Variants in FRMD4A observed in about 807,000 individuals in gnomAD.
FRMD4A encodes FERM domain-containing protein 4A.
A neutral mutation model predicts 129.1 loss-of-function variants in FRMD4A; 29 were observed. The ratio of observed to expected loss-of-function variants is 0.22; its 90% CI spans 0.17 to 0.31. The LOEUF is 0.31. Among genes scored for constraint, FRMD4A ranks in the 10% least tolerant of loss-of-function variants. The pLI, the probability that FRMD4A is intolerant of heterozygous loss-of-function variation, is 1.00. For missense variants in FRMD4A, 1,272 were observed against 1,375.8 expected (o/e 0.92, Z 1.19); for synonymous variants, 634 against 571.6 (o/e 1.11, Z -1.56).
chr10:13,691,358 A>C (rs2085670301), intron 15 of FRMD4A, among the ~76,000 whole-genome samples: 1 of 152,172 alleles, frequency 6.6e-6, no homozygotes, highest in South Asian at 2.1e-4. Flanking sequence ...TCACAGCCTC[A>C]TCTATAGCTG....
intron 6 of FRMD4A, among the ~76,000 whole-genome samples, chr10:13,771,329 T>C (rs1013348894): frequency 1.2e-4 from 18 of 152,184 alleles, no homozygotes; most frequent in African/African-American, 4.3e-4. Context: ...TGCCTTGGCC[T>C]CCCAAAGTGC....
chr10:14,099,548 A>G (rs1308396363), intron 2 of FRMD4A, among the ~76,000 whole-genome samples: 3 of 152,230 alleles, frequency 2.0e-5, no homozygotes. Flanking sequence ...CCTATACGAA[A>G]GTTGGCCCTG....
At chr10:14,275,373 C>T (rs1327693683) in intron 2 of FRMD4A, among the ~76,000 whole-genome samples, 1 of 152,196 alleles carries the variant, frequency 6.6e-6, no homozygotes, top group African/African-American at 2.4e-5. Context: ...TGGAGATGGG[C>T]AAAACACATC....
At chr10:14,166,664 C>A (rs1052988122) in intron 2 of FRMD4A, among the ~76,000 whole-genome samples, 5 of 152,176 alleles carry the variant, frequency 3.3e-5, no homozygotes, top group Non-Finnish European at 7.4e-5. Context: ...AACAGTCAGT[C>A]AATGCTGGTT....
At chr10:14,259,353 C>A (rs1171742876) in intron 2 of FRMD4A, among the ~76,000 whole-genome samples, 5 of 152,062 alleles carry the variant, frequency 3.3e-5, no homozygotes, top group Non-Finnish European at 5.9e-5. Context: ...GAAGAATATA[C>A]AAATCTTTAA....
chr10:14,048,644 A>G (rs1588866722), intron 2 of FRMD4A, among the ~76,000 whole-genome samples: 1 of 152,102 alleles, frequency 6.6e-6, no homozygotes, highest in East Asian at 1.9e-4. Flanking sequence ...TGTCTCTACT[A>G]AAAATACAAA....
chr10:13,961,537 C>A (rs539277469), intron 2 of FRMD4A, among the ~76,000 whole-genome samples: 1 of 152,296 alleles, frequency 6.6e-6, no homozygotes, highest in South Asian at 2.1e-4. Context: ...TCTTGTCCTC[C>A]CATCTGCCAT....
At chr10:14,270,762 T>C (rs1389825900) in intron 2 of FRMD4A, among the ~76,000 whole-genome samples, 2 of 152,178 alleles carry the variant, frequency 1.3e-5, no homozygotes, top group African/African-American at 2.4e-5. Flanking sequence ...CTAATTGATA[T>C]ACATAAGAGT....
intron 2 of FRMD4A, among the ~76,000 whole-genome samples, chr10:13,974,239 G>T (rs1339059707): frequency 6.6e-6 from 1 of 152,096 alleles, no homozygotes; most frequent in Non-Finnish European, 1.5e-5. Context: ...GAGTATAAAG[G>T]TGCTATAATA....
chr10:14,288,251 C>T (rs1845743398), intron 2 of FRMD4A, among the ~76,000 whole-genome samples: 1 of 152,056 alleles, frequency 6.6e-6, no homozygotes, highest in Non-Finnish European at 1.5e-5. Context: ...AGTAGGATGC[C>T]CCGTTGCTCC....
intron 2 of FRMD4A, among the ~76,000 whole-genome samples, chr10:14,313,256 G>A (rs909562449): frequency 9.9e-5 from 15 of 151,092 alleles, no homozygotes; most frequent in Non-Finnish European, 1.8e-4. Flanking sequence ...CCAGCTACTC[G>A]GGAGGCTGAG....
At chr10:13,900,141 G>T (rs559730898) in intron 2 of FRMD4A, among the ~76,000 whole-genome samples, 2 of 152,230 alleles carry the variant, frequency 1.3e-5, no homozygotes, top group Admixed American at 1.3e-4. Context: ...GGCCAATTCT[G>T]AGCCACTTCA....
chr10:13,988,518 A>C (rs2095590590), intron 2 of FRMD4A, among the ~76,000 whole-genome samples: 1 of 152,130 alleles, frequency 6.6e-6, no homozygotes, highest in Non-Finnish European at 1.5e-5. Context: ...ATTTTGTCTA[A>C]GTGTTTGCAT....
intron 6 of FRMD4A, among the ~76,000 whole-genome samples, chr10:13,774,024 T>C (rs2092534326): frequency 1.3e-5 from 2 of 152,158 alleles, no homozygotes; most frequent in Non-Finnish European, 2.9e-5. Flanking sequence ...CATTTCTAAA[T>C]GAGATGTATC....
At chr10:13,750,549 T>C (rs2091566139) in intron 8 of FRMD4A, among the ~76,000 whole-genome samples, 1 of 152,198 alleles carries the variant, frequency 6.6e-6, no homozygotes, top group African/African-American at 2.4e-5. Flanking sequence ...GATGTAAGAC[T>C]GGCTTTGGGG....
chr10:13,845,979 C>T (rs2094039391), intron 3 of FRMD4A, among the ~76,000 whole-genome samples: 1 of 152,180 alleles, frequency 6.6e-6, no homozygotes, highest in African/African-American at 2.4e-5. Flanking sequence ...CTCCCATTTG[C>T]TGTACAACTC....
chr10:14,157,839 GAAGACCCTAAGTCTT>G (rs1340122299), intron 2 of FRMD4A, among the ~76,000 whole-genome samples: 2 of 152,082 alleles, frequency 1.3e-5, no homozygotes, highest in Non-Finnish European at 2.9e-5. Context: ...TCTAGGAAGA[GAAGACCCTAAGTCTT>G]AAGACCCTAA....
chr10:13,771,736 GT>G (rs2092459103), intron 6 of FRMD4A, among the ~76,000 whole-genome samples: 1 of 152,048 alleles, frequency 6.6e-6, no homozygotes, highest in South Asian at 2.1e-4. Context: ...GCTGGGGAAG[GT>G]TAGTGCTTTT....
intron 3 of FRMD4A, among the ~76,000 whole-genome samples, chr10:13,845,890 C>T (rs758858434): frequency 2.0e-5 from 3 of 152,216 alleles, no homozygotes; most frequent in Non-Finnish European, 4.4e-5. Context: ...GCCAACCCAA[C>T]CGGCCCCAGA....
Sources: gnomAD v4.1 joint callset for allele counts (sites outside exome capture counted in the v4.1 genomes callset) on GRCh38, gnomAD v4.1.1 for gene constraint, MANE v1.5 for transcripts, NCBI Gene and HGNC (gene_info 2026-07-23, HGNC 2026-07-21) for gene names.